The following GALNT2 variants were observed in gnomAD, a reference collection of about 807,000 sequenced individuals.
GALNT2 encodes the protein polypeptide N-acetylgalactosaminyltransferase 2.
GALNT2 carries 31 observed loss-of-function variants against 81.4 expected under a neutral mutation model. That is an observed-to-expected ratio of 0.38 (90% CI 0.29 to 0.51). GALNT2 has a LOEUF of 0.51. Among genes scored for constraint, GALNT2 ranks in the 20% least tolerant of loss-of-function variants. The pLI is 0.87. For synonymous variants in GALNT2, 303 were observed against 287.4 expected, an observed-to-expected ratio of 1.05 and a Z score of -0.55; for missense variants, 629 against 765.7, an observed-to-expected ratio of 0.82 and a Z score of 2.11.
At chr1:230,235,541 G>C (rs1313637107) in intron 3 of GALNT2, among the ~76,000 whole-genome samples, 1 of 152,186 alleles carries the variant, frequency 6.6e-6, no homozygotes, top group African/African-American at 2.4e-5. Flanking sequence ...ACCTCCAGTG[G>C]GTCTGCTGTT....
chr1:230,137,149 G>A (rs1254239306), intron 1 of GALNT2, among the ~76,000 whole-genome samples: 1 of 152,228 alleles, frequency 6.6e-6, no homozygotes, highest in Non-Finnish European at 1.5e-5. Context: ...CACCCAATAA[G>A]CTTTGGGGGA....
intron 1 of GALNT2, among the ~76,000 whole-genome samples, chr1:230,171,996 A>G (rs575513198): frequency 6.6e-6 from 1 of 152,230 alleles, no homozygotes; most frequent in South Asian, 2.1e-4. Flanking sequence ...GCATTGATAA[A>G]TGTAGTGGTT....
Position 230,279,766 on chromosome 1 carries a change from C to A in GALNT2, c.*308C>A. The A allele has an allele frequency of 3.9e-6, 2 of 507,470 alleles. No homozygotes were observed. Among genetic ancestry groups the A allele is most frequent in the South Asian group, 1.6e-5 (1 of 60,796 alleles). The allele number at this position is 507,470 out of a possible 1,614,324, so 31.4% of individuals were successfully genotyped here. On this transcript the variant is annotated 3_prime_UTR_variant, in exon 16 of 16. Transcript: ENST00000366672. The surrounding 1 kb of genome is among the most constrained non-coding windows in gnomAD (Gnocchi z 4.6). The stretch of plus-strand genomic sequence containing the variant: ...GCAACTGAGTGACACCCAGCGACAA[C>A]CGACTGGGGAGTGGTAGAAGCAACT...
intron 7 of GALNT2, among the ~76,000 whole-genome samples, chr1:230,244,322 G>T (rs929420287): frequency 6.6e-6 from 1 of 151,984 alleles, no homozygotes; most frequent in Non-Finnish European, 1.5e-5. Context: ...AGGTAAACAG[G>T]CTGGGGTTCA....
chr1:230,158,915 GTGTC>G (rs57464037), intron 1 of GALNT2, among the ~76,000 whole-genome samples: 15,414 of 152,216 alleles, frequency 0.1, 912 homozygotes, highest in South Asian at 0.19. Context: ...TGGACCTAGT[GTGTC>G]TGAGCAGTGC....
At chr1:230,159,560 C>G (rs17315646) in intron 1 of GALNT2, among the ~76,000 whole-genome samples, 67,964 of 152,092 alleles carry the variant, frequency 0.45, 18,308 homozygotes, top group Non-Finnish European at 0.6. Context: ...TCACTTTGCT[C>G]TAAGTTTGGG....
intron 1 of GALNT2, among the ~76,000 whole-genome samples, chr1:230,157,626 A>G (rs1662300917): frequency 6.6e-6 from 1 of 152,198 alleles, no homozygotes; most frequent in African/African-American, 2.4e-5. Flanking sequence ...ACATGGTGGA[A>G]TGCAGCATGT....
At chr1:230,195,689 A>G (rs564984514) in intron 2 of GALNT2, among the ~76,000 whole-genome samples, 1 of 152,108 alleles carries the variant, frequency 6.6e-6, no homozygotes, top group South Asian at 2.1e-4. Context: ...AACAGTAATG[A>G]AGTATTAGCC....
intron 3 of GALNT2, among the ~76,000 whole-genome samples, chr1:230,222,475 T>C (rs1664580414): frequency 6.6e-6 from 1 of 152,232 alleles, no homozygotes; most frequent in African/African-American, 2.4e-5. Flanking sequence ...AACCTACTTG[T>C]AAATGACCGC....
At chr1:230,203,092 G>C (rs1176258356) in intron 2 of GALNT2, 45 bp from the exon 3 acceptor site, 2 of 1,579,422 alleles carry the variant, frequency 1.3e-6, no homozygotes, top group Non-Finnish European at 1.7e-6. Flanking sequence ...ATGAGCACTT[G>C]GTCACATTTT....
At chr1:230,245,974 G>T in intron 7 of GALNT2, 89 bp from the exon 8 acceptor site, 1 of 1,110,180 alleles carries the variant, frequency 9.0e-7, no homozygotes, top group East Asian at 2.4e-5. Context: ...GGTTTGCCCT[G>T]TGCCTGCCTA....
intron 15 of GALNT2, among the ~76,000 whole-genome samples, chr1:230,277,160 A>G (rs898477993): frequency 6.6e-6 from 1 of 152,172 alleles, no homozygotes; most frequent in African/African-American, 2.4e-5. Context: ...GCATGTATAA[A>G]TGGGGATCTG....
At chr1:230,116,932 T>C (rs948564370) in intron 1 of GALNT2, among the ~76,000 whole-genome samples, 1 of 152,246 alleles carries the variant, frequency 6.6e-6, no homozygotes, top group Non-Finnish European at 1.5e-5. Context: ...AGAATCAGAC[T>C]GTCCTTTGAG....
chr1:230,121,153 G>A (rs994161337), intron 1 of GALNT2, among the ~76,000 whole-genome samples: 3 of 152,232 alleles, frequency 2.0e-5, no homozygotes, highest in Non-Finnish European at 4.4e-5. Flanking sequence ...CCACTTCCTT[G>A]TTGACATTCC....
rs996154087 is a variant in GALNT2, at chr1:230,070,120, G to T, written c.126+2714G>T. On this transcript the variant is annotated intron_variant, in intron 1 of 15. Transcript: ENST00000366672. This position sits in a 1 kb window ranked among gnomAD's most constrained non-coding sequence, Gnocchi z 4.7. ...AGTAAACTAAGCAGGAGGGAGTGCTGAAGACCAATCTCAGGCACTGCCGCA... is the reference window on the plus strand; with the variant it reads ...AGTAAACTAAGCAGGAGGGAGTGCTTAAGACCAATCTCAGGCACTGCCGCA... Among the ~76,000 whole-genome samples, 12 of 152,206 alleles carry T rather than the reference G, an allele frequency of 7.9e-5. No individual in the cohort carries two copies. Among genetic ancestry groups the T allele is most frequent in the African/African-American group, 2.9e-4 (12 of 41,432 alleles).
At chr1:230,262,115 CA>C (rs1665893241) in intron 11 of GALNT2, 6 of 155,480 alleles carry the variant, frequency 3.9e-5, no homozygotes, top group African/African-American at 1.2e-4. Flanking sequence ...AACTTTAATG[CA>C]GAGCTGTCTG....
At chr1:230,238,106 A>G (rs1665088205) in intron 6 of GALNT2, among the ~76,000 whole-genome samples, 1 of 152,230 alleles carries the variant, frequency 6.6e-6, no homozygotes, top group Admixed American at 6.5e-5. Flanking sequence ...AGTCTGTAAC[A>G]ATTGAATGAG....
chr1:230,092,184 T>TTGTTTTTTTTTTTTTTTTTTTTTTTG (rs796379271), intron 1 of GALNT2, among the ~76,000 whole-genome samples: 1 of 119,604 alleles, frequency 8.4e-6, no homozygotes, highest in African/African-American at 3.4e-5. Context: ...TAGTTTTTTT[T>TTGTTTTTTTTTTTTTTTTTTTTTTTG]TTTTTTTTTT....
At chr1:230,144,450 A>C (rs915002266) in intron 1 of GALNT2, among the ~76,000 whole-genome samples, 2 of 152,196 alleles carry the variant, frequency 1.3e-5, no homozygotes. Context: ...CGGTGCCTGC[A>C]TGTGAAGGGC....
Sources: allele counts gnomAD v4.1 joint callset (sites outside exome capture counted in the v4.1 genomes callset), GRCh38; gene constraint gnomAD v4.1.1; non-coding constraint Gnocchi (gnomAD v3.1); transcripts MANE v1.5; gene names NCBI Gene and HGNC (gene_info 2026-07-23, HGNC 2026-07-21).